Variants in PTAFR observed in about 807,000 individuals in gnomAD.
PTAFR encodes platelet activating factor receptor.
PTAFR carries 8 observed loss-of-function variants against 14.7 expected under a neutral mutation model. The ratio of observed to expected loss-of-function variants is 0.54; its 90% CI spans 0.32 to 0.98. The LOEUF is 0.98. Ranked by LOEUF, PTAFR falls within the 50% of genes least tolerant of loss-of-function variation. The probability of loss-of-function intolerance (pLI) is 0.04; values close to 1 mark genes in which losing one functional copy is unlikely to be tolerated. For missense variants in PTAFR, 337 were observed against 451.2 expected (o/e 0.75, Z 2.29); for synonymous variants, 156 against 176.5 (o/e 0.88, Z 0.92).
At chr1:28,153,173 C>T (rs1392799720) in intron 1 of PTAFR, among the ~76,000 whole-genome samples, 2 of 152,106 alleles carry the variant, frequency 1.3e-5, no homozygotes, top group Non-Finnish European at 2.9e-5. Flanking sequence ...TAGTGGTGCA[C>T]GCCTGTAGTC....
intron 1 of PTAFR, among the ~76,000 whole-genome samples, chr1:28,168,231 AAAGTGCTGGGATTACAGGCGTGAGCC>A: frequency 6.6e-6 from 1 of 150,526 alleles, no homozygotes; most frequent in African/African-American, 2.5e-5. Flanking sequence ...TCGGCCACCC[AAAGTGCTGGGATTACAGGCGTGAGCC>A]ACCGCGCCCG....
chr1:28,152,131 A>G (rs1175639600), intron 1 of PTAFR, among the ~76,000 whole-genome samples: 6 of 152,062 alleles, frequency 3.9e-5, no homozygotes, highest in African/African-American at 7.2e-5. Context: ...TCCTGAGCTC[A>G]AGGAATCTGC....
chr1:28,159,194 T>A (rs961949918), intron 1 of PTAFR, among the ~76,000 whole-genome samples: 3 of 151,922 alleles, frequency 2.0e-5, no homozygotes, highest in African/African-American at 7.3e-5. Context: ...GGGATGCCTG[T>A]GAAACACCCA....
chr1:28,163,228 CCTT>C (rs1183497033), intron 1 of PTAFR, among the ~76,000 whole-genome samples: 1 of 152,062 alleles, frequency 6.6e-6, no homozygotes, highest in Non-Finnish European at 1.5e-5. Flanking sequence ...AAATGAGTTG[CCTT>C]CTTCTCTGGG....
At chr1:28,168,881 T>C (rs920728631) in intron 1 of PTAFR, among the ~76,000 whole-genome samples, 5 of 151,974 alleles carry the variant, frequency 3.3e-5, no homozygotes, top group South Asian at 2.1e-4. Flanking sequence ...TTGACCAGGA[T>C]AGTCTCGAAC....
intron 1 of PTAFR, among the ~76,000 whole-genome samples, chr1:28,191,256 G>C (rs1402376580): frequency 1.3e-5 from 2 of 152,228 alleles, no homozygotes; most frequent in African/African-American, 4.8e-5. Flanking sequence ...AAGGCAGGGA[G>C]GTCCCTAGAG....
intron 1 of PTAFR, among the ~76,000 whole-genome samples, chr1:28,155,322 T>G (rs1646251528): frequency 6.6e-6 from 1 of 152,178 alleles, no homozygotes; most frequent in African/African-American, 2.4e-5. Flanking sequence ...GCGATTCTCC[T>G]GCCTCAGCCT....
intron 1 of PTAFR, among the ~76,000 whole-genome samples, chr1:28,161,310 C>A (rs1646320732): frequency 6.6e-6 from 1 of 152,196 alleles, no homozygotes; most frequent in Non-Finnish European, 1.5e-5. Context: ...CAGTTATTGA[C>A]ATCCTTCTGG....
At position 28,193,212 on chromosome 1, in the gene PTAFR, C is replaced by A. The variant is rs141026625; in HGVS notation, c.-39+510G>T. 1.1e-3 allele frequency among the ~76,000 whole-genome samples: 163 copies of A among 151,738 alleles called. 1 individual carries two copies. Among genetic ancestry groups the A allele is most frequent in the African/African-American group, 3.4e-3 (142 of 41,360 alleles). On this transcript the variant is annotated intron_variant, in intron 1 of 1. Transcript: ENST00000305392. ...GTGTGTAGGGAAGATATTTGTGAGA[C>A]CTTGCGGAGTAGGTTTGTTTGCAGT...
At chr1:28,187,506 G>GA (rs199780057) in intron 1 of PTAFR, among the ~76,000 whole-genome samples, 5 of 151,944 alleles carry the variant, frequency 3.3e-5, no homozygotes, top group South Asian at 2.1e-4. Flanking sequence ...AGGGGTGAGA[G>GA]AAAAAAAAAT....
chr1:28,156,660 A>G (rs1646266705), intron 1 of PTAFR, among the ~76,000 whole-genome samples: 1 of 152,210 alleles, frequency 6.6e-6, no homozygotes, highest in African/African-American at 2.4e-5. Context: ...GCTCTTTGGC[A>G]CCCTCAATAA....
intron 1 of PTAFR, among the ~76,000 whole-genome samples, chr1:28,184,091 T>G (rs1185969183): frequency 7.7e-6 from 1 of 130,054 alleles, no homozygotes; most frequent in Non-Finnish European, 1.6e-5. Context: ...TGTTTTTTTT[T>G]TTTTTTTTTT....
intron 1 of PTAFR, among the ~76,000 whole-genome samples, chr1:28,154,400 C>T (rs1267173748): frequency 6.6e-6 from 1 of 152,108 alleles, no homozygotes; most frequent in African/African-American, 2.4e-5. Context: ...CACAGCTAAG[C>T]ACAGGAGCTA....
chr1:28,157,782 C>T (rs989512660), intron 1 of PTAFR, among the ~76,000 whole-genome samples: 6 of 151,984 alleles, frequency 3.9e-5, no homozygotes, highest in South Asian at 2.1e-4. Context: ...GCGCCTGCCA[C>T]GACGCCCGGC....
intron 1 of PTAFR, among the ~76,000 whole-genome samples, chr1:28,191,021 C>CTCCTCT (rs1054431692): frequency 2.0e-5 from 3 of 152,220 alleles, no homozygotes; most frequent in Non-Finnish European, 2.9e-5. Context: ...CCTCTCTTTT[C>CTCCTCT]TCCTCTTCCT....
intron 1 of PTAFR, among the ~76,000 whole-genome samples, chr1:28,164,691 C>T (rs966017859): frequency 6.6e-6 from 1 of 152,190 alleles, no homozygotes; most frequent in Non-Finnish European, 1.5e-5. Context: ...ATTTTGAACT[C>T]CAAGGTTCAT....
chr1:28,185,084 C>T (rs2149007785), intron 1 of PTAFR, among the ~76,000 whole-genome samples: 1 of 152,332 alleles, frequency 6.6e-6, no homozygotes, highest in African/African-American at 2.4e-5. Context: ...CCCCCACATT[C>T]CCAGGCTCTC....
At chr1:28,161,824 T>C (rs776308467) in intron 1 of PTAFR, among the ~76,000 whole-genome samples, 16 of 152,204 alleles carry the variant, frequency 1.1e-4, no homozygotes, top group Non-Finnish European at 2.4e-4. Flanking sequence ...GCCCTTCAAA[T>C]TGTATAAGCT....
rs114411635 is a variant in PTAFR, at chr1:28,159,440, A to G, written c.-38-8381T>C. Among the ~76,000 whole-genome samples the G allele has an allele frequency of 1.8e-3, 269 of 152,322 alleles. 1 individual carries two copies. Among genetic ancestry groups the G allele is most frequent in the African/African-American group, 6.0e-3 (249 of 41,566 alleles). On this transcript the variant is annotated intron_variant, in intron 1 of 1. Coordinates refer to ENST00000373857, the MANE Select transcript of PTAFR (RefSeq NM_000952.5). Reference sequence around the variant, plus strand: ...ACTGGATGTGGAAACATGGAAATCAATCTCATGTGATCAGATCATGTGATC... The same window carrying G: ...ACTGGATGTGGAAACATGGAAATCAGTCTCATGTGATCAGATCATGTGATC...
Sources: allele counts gnomAD v4.1 joint callset (sites outside exome capture counted in the v4.1 genomes callset), GRCh38; gene constraint gnomAD v4.1.1; transcripts MANE v1.5; gene names NCBI Gene and HGNC (gene_info 2026-07-23, HGNC 2026-07-21).